MAGI2: variants seen among roughly 807,000 people sequenced by gnomAD.
MAGI2 encodes the protein membrane-associated guanylate kinase, WW and PDZ domain-containing protein 2.
In MAGI2, 35 loss-of-function variants were observed where a neutral mutation model predicts 133.3. That is an observed-to-expected ratio of 0.26 (90% CI 0.20 to 0.35). The LOEUF (loss-of-function observed/expected upper bound fraction) is 0.35, where lower values mean the gene tolerates loss of function less well. Ranked by LOEUF, MAGI2 falls within the 10% of genes least tolerant of loss-of-function variation. The pLI is 1.00. For missense variants in MAGI2, 1,636 were observed against 1,863.4 expected, an observed-to-expected ratio of 0.88 and a Z score of 2.25; for synonymous variants, 729 against 710.6, an observed-to-expected ratio of 1.03 and a Z score of -0.41.
chr7:79,174,480 G>A (rs1265627306), intron 1 of MAGI2, among the ~76,000 whole-genome samples: 1 of 151,662 alleles, frequency 6.6e-6, no homozygotes, highest in Non-Finnish European at 1.5e-5. Context: ...GACAAACTGG[G>A]GAAAAAAATT....
At chr7:78,781,852 A>G (rs1826427885) in intron 2 of MAGI2, among the ~76,000 whole-genome samples, 1 of 152,214 alleles carries the variant, frequency 6.6e-6, no homozygotes, top group East Asian at 1.9e-4. Context: ...GAAATTGGGT[A>G]TTAAAGACAT....
intron 21 of MAGI2, among the ~76,000 whole-genome samples, chr7:78,058,478 C>CTTTTTT (rs61113351): frequency 6.8e-6 from 1 of 146,800 alleles, no homozygotes; most frequent in Non-Finnish European, 1.5e-5. Context: ...CTTAAAATTC[C>CTTTTTT]TTTTTTTTTT....
At chr7:79,110,202 C>T (rs1020865181) in intron 1 of MAGI2, among the ~76,000 whole-genome samples, 3 of 152,044 alleles carry the variant, frequency 2.0e-5, no homozygotes, top group African/African-American at 4.8e-5. Flanking sequence ...GAAAAAGAGC[C>T]CTCACAGAGA....
At chr7:78,619,540 C>A (rs999383715) in intron 3 of MAGI2, among the ~76,000 whole-genome samples, 10 of 151,846 alleles carry the variant, frequency 6.6e-5, no homozygotes, top group Admixed American at 2.0e-4. Context: ...ATATTAAAAT[C>A]ATTAGTTGCT....
intron 6 of MAGI2, among the ~76,000 whole-genome samples, chr7:78,408,264 T>C (rs1295367623): frequency 1.3e-5 from 2 of 152,082 alleles, no homozygotes; most frequent in African/African-American, 2.4e-5. Context: ...AATTAACATA[T>C]GCATATACTT....
intron 1 of MAGI2, among the ~76,000 whole-genome samples, chr7:79,187,272 T>C (rs1477848529): frequency 6.6e-6 from 1 of 151,820 alleles, no homozygotes; most frequent in African/African-American, 2.4e-5. Context: ...CTTATAATTC[T>C]ATTTCAATAA....
intron 6 of MAGI2, among the ~76,000 whole-genome samples, chr7:78,411,249 G>A (rs1251030802): frequency 2.0e-5 from 3 of 151,810 alleles, no homozygotes; most frequent in Admixed American, 2.0e-4. Flanking sequence ...TCACAACACA[G>A]CATTTCACTT....
chr7:79,271,313 A>G (rs1834857143), intron 1 of MAGI2, among the ~76,000 whole-genome samples: 2 of 152,088 alleles, frequency 1.3e-5, no homozygotes, highest in African/African-American at 4.8e-5. Flanking sequence ...GAGTCTAGAG[A>G]ACATGTTTTA....
chr7:79,041,186 C>CT (rs947523086), intron 1 of MAGI2, among the ~76,000 whole-genome samples: 10 of 152,112 alleles, frequency 6.6e-5, no homozygotes, highest in African/African-American at 2.2e-4. Context: ...GATAAACAAT[C>CT]TTTTTCTAGT....
chr7:78,570,485 G>A (rs939884688), intron 3 of MAGI2, among the ~76,000 whole-genome samples: 2 of 152,136 alleles, frequency 1.3e-5, no homozygotes, highest in African/African-American at 4.8e-5. Flanking sequence ...GAAGCAGGAC[G>A]AATCAAGTAA....
Position 78,497,808 on chromosome 7 carries a change from T to G in MAGI2, c.965+3769A>C, listed in dbSNP as rs761013949. On this transcript the variant is annotated intron_variant, in intron 5 of 21. Transcript: ENST00000354212. ...AACCAAAGAATCATTCTCCTTTGTT[T>G]CACTTATTTTCTGTTTTGTCATGAT... 7.0e-5 allele frequency among the ~76,000 whole-genome samples: 10 copies of G among 142,842 alleles called. No homozygotes were observed. The East Asian group carries it at 2.0e-3, about 28-fold the overall frequency. The allele number at this position is 142,842 out of a possible 152,430, so 93.7% of individuals were successfully genotyped here. A position where few individuals can be genotyped will look rare whatever the true frequency, so the allele number is the denominator to read the frequency against.
At chr7:78,174,474 G>T (rs544777079) in intron 14 of MAGI2, among the ~76,000 whole-genome samples, 1 of 152,200 alleles carries the variant, frequency 6.6e-6, no homozygotes, top group Non-Finnish European at 1.5e-5. Context: ...TTGCCTTAAA[G>T]TTGTATTTTA....
chr7:78,827,059 T>C (rs1790721424), intron 2 of MAGI2, among the ~76,000 whole-genome samples: 1 of 152,130 alleles, frequency 6.6e-6, no homozygotes, highest in African/African-American at 2.4e-5. Context: ...CAGATACATA[T>C]AGATACAGAT....
chr7:78,557,585 C>G (rs1350038475), intron 3 of MAGI2, among the ~76,000 whole-genome samples: 1 of 152,166 alleles, frequency 6.6e-6, no homozygotes, highest in Non-Finnish European at 1.5e-5. Context: ...TTCTAGCAAG[C>G]TCCTGACCCA....
At chr7:78,226,165 T>C (rs1020174948) in intron 10 of MAGI2, among the ~76,000 whole-genome samples, 1 of 152,180 alleles carries the variant, frequency 6.6e-6, no homozygotes, top group Non-Finnish European at 1.5e-5. Flanking sequence ...TATGTCTTTC[T>C]TTGAGCACTG....
intron 6 of MAGI2, among the ~76,000 whole-genome samples, chr7:78,401,338 C>G (rs943507237): frequency 2.6e-5 from 4 of 152,126 alleles, no homozygotes; most frequent in Admixed American, 1.3e-4. Flanking sequence ...AATCTTTCAA[C>G]CCCTAAGATG....
At chr7:78,958,575 T>G (rs1802590287) in intron 2 of MAGI2, among the ~76,000 whole-genome samples, 1 of 152,158 alleles carries the variant, frequency 6.6e-6, no homozygotes, top group Non-Finnish European at 1.5e-5. Context: ...AGCAGAAAAT[T>G]AAATGTATAA....
intron 1 of MAGI2, among the ~76,000 whole-genome samples, chr7:79,305,419 T>C (rs1837711599): frequency 6.6e-6 from 1 of 152,162 alleles, no homozygotes; most frequent in Non-Finnish European, 1.5e-5. Context: ...TGAAGTGGTA[T>C]CTGACTAATG....
In MAGI2 at chr7:78,430,336, T is replaced by C. The variant is rs112549681; in HGVS notation, c.1045+59425A>G. Among the ~76,000 whole-genome samples the C allele has an allele frequency of 3.4e-3, 504 of 147,330 alleles. 1 individual carries two copies. Among genetic ancestry groups the C allele is most frequent in the African/African-American group, 0.012 (471 of 39,574 alleles). ...AAAAGCCTGCATGTAAATATGCATA[T>C]ATATTCTACAGCTAAAAAATTCTAC... On this transcript the variant is annotated intron_variant, in intron 6 of 21. Coordinates refer to ENST00000354212, the MANE Select transcript of MAGI2 (RefSeq NM_012301.4).
Sources: allele counts gnomAD v4.1 joint callset (sites outside exome capture counted in the v4.1 genomes callset), GRCh38; gene constraint gnomAD v4.1.1; transcripts MANE v1.5; gene names NCBI Gene and HGNC (gene_info 2026-07-23, HGNC 2026-07-21).